The following MPP7 variants were observed in gnomAD, a reference collection of about 807,000 sequenced individuals.
The protein encoded by MPP7 is MAGUK p55 subfamily member 7.
In MPP7, 60 loss-of-function variants were observed where a neutral mutation model predicts 76.5. That is an observed-to-expected ratio of 0.78 (90% confidence interval 0.64 to 0.97). The LOEUF (loss-of-function observed/expected upper bound fraction) is 0.97. MPP7 is among the 50% of genes least tolerant of loss of function. The probability of loss-of-function intolerance (pLI) is 0.00; values close to 1 mark genes in which losing one functional copy is unlikely to be tolerated. For missense variants in MPP7, 641 were observed against 694.0 expected, an observed-to-expected ratio of 0.92 and a Z score of 0.86; for synonymous variants, 237 against 244.5, an observed-to-expected ratio of 0.97 and a Z score of 0.29.
chr10:28,152,255 C>G (rs1373782519), intron 3 of MPP7, among the ~76,000 whole-genome samples: 1 of 152,094 alleles, frequency 6.6e-6, no homozygotes, highest in Admixed American at 6.6e-5. Context: ...GGATTTTGTG[C>G]CATATCAAAC....
rs374804280 is a variant in MPP7, at chr10:28,258,879, A to C, written c.-131-20144T>G. On this transcript the variant is annotated intron_variant, in intron 1 of 16. Coordinates refer to ENST00000683449, the MANE Select transcript of MPP7 (RefSeq NM_001318170.2). ...GAGTGGGAGAGAGAGCTCTCCACACAGTGGAAAAACAGAAATCCCTATTTC... is the reference window on the plus strand; with the variant it reads ...GAGTGGGAGAGAGAGCTCTCCACACCGTGGAAAAACAGAAATCCCTATTTC... Among the ~76,000 whole-genome samples, 44 of 152,282 alleles carry C rather than the reference A, an allele frequency of 2.9e-4. 1 individual carries two copies. The East Asian group carries it at 7.9e-3, about 27-fold the overall frequency.
intron 3 of MPP7, among the ~76,000 whole-genome samples, chr10:28,183,521 G>A (rs1426011096): frequency 1.3e-5 from 2 of 152,208 alleles, no homozygotes; most frequent in Non-Finnish European, 2.9e-5. Flanking sequence ...AGGTGTGGTG[G>A]CTCATGGCTG....
At chr10:28,320,821 G>GT (rs1260316780) in intron 2 of MPP7, among the ~76,000 whole-genome samples, 2 of 133,570 alleles carry the variant, frequency 1.5e-5, no homozygotes, top group African/African-American at 6.2e-5. Flanking sequence ...AACTAGTGCA[G>GT]TTTTTTGTTT....
intron 3 of MPP7, among the ~76,000 whole-genome samples, chr10:28,157,014 A>G (rs959805136): frequency 6.6e-6 from 1 of 152,136 alleles, no homozygotes. Flanking sequence ...GTTCGAGACC[A>G]GCCTGGTCAA....
At chr10:28,196,915 T>C (rs1052910948) in intron 3 of MPP7, among the ~76,000 whole-genome samples, 1 of 152,164 alleles carries the variant, frequency 6.6e-6, no homozygotes, top group Non-Finnish European at 1.5e-5. Context: ...AACCTTTCCA[T>C]GCAATGGTTC....
intron 1 of MPP7, among the ~76,000 whole-genome samples, chr10:28,275,265 T>C (rs1417234166): frequency 6.6e-6 from 1 of 152,212 alleles, no homozygotes; most frequent in African/African-American, 2.4e-5. Context: ...GACGTGCTCT[T>C]CTGCCGGATA....
intron 5 of MPP7, among the ~76,000 whole-genome samples, chr10:28,135,277 G>A (rs1386739488): frequency 4.6e-5 from 7 of 152,172 alleles, no homozygotes; most frequent in Non-Finnish European, 1.0e-4. Context: ...AAGGGTGGCA[G>A]ATACAGAATT....
intron 1 of MPP7, among the ~76,000 whole-genome samples, chr10:28,250,115 T>C (rs1839566622): frequency 6.6e-6 from 1 of 152,030 alleles, no homozygotes; most frequent in Non-Finnish European, 1.5e-5. Flanking sequence ...ACAGAACCCA[T>C]TATCTATACC....
chr10:28,268,301 T>A (rs1415814165), intron 1 of MPP7, among the ~76,000 whole-genome samples: 3 of 152,168 alleles, frequency 2.0e-5, no homozygotes, highest in African/African-American at 7.2e-5. Context: ...CTAAAGAAGA[T>A]GTGGCTGGAA....
At chr10:28,134,211 A>T (rs1341498161) in intron 5 of MPP7, among the ~76,000 whole-genome samples, 1 of 152,170 alleles carries the variant, frequency 6.6e-6, no homozygotes, top group Non-Finnish European at 1.5e-5. Flanking sequence ...AAATTTGGCC[A>T]TTCCAAGTGT....
chr10:28,319,076 G>A (rs186583620), intron 2 of MPP7, among the ~76,000 whole-genome samples: 34 of 152,306 alleles, frequency 2.2e-4, no homozygotes, highest in Admixed American at 2.2e-3. Context: ...AGTTCTACAG[G>A]CTATACAGGA....
intron 1 of MPP7, among the ~76,000 whole-genome samples, chr10:28,270,079 G>A (rs570778089): frequency 1.2e-4 from 19 of 152,250 alleles, no homozygotes; most frequent in East Asian, 3.9e-4. Flanking sequence ...ACCGCATTAC[G>A]GCTTCACATG....
chr10:28,286,343 C>T (rs1840790505), intron 1 of MPP7, among the ~76,000 whole-genome samples: 1 of 145,296 alleles, frequency 6.9e-6, no homozygotes, highest in East Asian at 2.5e-4. Flanking sequence ...GAGACTCCAC[C>T]TCAAAAAAAA....
chr10:28,111,742 T>C (rs1310073434), intron 11 of MPP7, among the ~76,000 whole-genome samples: 1 of 152,190 alleles, frequency 6.6e-6, no homozygotes, highest in Non-Finnish European at 1.5e-5. Context: ...TTTTAGAAAG[T>C]AATCCTAAAC....
chr10:28,058,376 A>G (rs560988286), intron 15 of MPP7, 119 bp downstream of exon 15: 17 of 498,192 alleles, frequency 3.4e-5, no homozygotes, highest in Non-Finnish European at 6.1e-5. Context: ...CCATCTCAGA[A>G]AAGCCACATA....
At chr10:28,323,076 G>A (rs542068568) in intron 2 of MPP7, among the ~76,000 whole-genome samples, 2 of 152,246 alleles carry the variant, frequency 1.3e-5, no homozygotes, top group South Asian at 4.1e-4. Flanking sequence ...CACAAGGTCA[G>A]GAGATTGAGA....
chr10:28,274,139 G>A (rs1840417006), intron 1 of MPP7, among the ~76,000 whole-genome samples: 1 of 123,808 alleles, frequency 8.1e-6, no homozygotes, highest in Non-Finnish European at 1.6e-5. Flanking sequence ...GTCTCACTCT[G>A]TCACCCAGGC....
At chr10:28,218,027 G>A (rs896986826) in intron 2 of MPP7, among the ~76,000 whole-genome samples, 6 of 152,196 alleles carry the variant, frequency 3.9e-5, no homozygotes, top group Non-Finnish European at 7.3e-5. Flanking sequence ...TCCTCATGGA[G>A]ACTTTACGCC....
At chr10:28,095,200 T>TGC (rs2133480955) in intron 11 of MPP7, among the ~76,000 whole-genome samples, 1 of 23,432 alleles carries the variant, frequency 4.3e-5, no homozygotes, top group African/African-American at 1.1e-4. Flanking sequence ...TATGCATATA[T>TGC]ATATATATAT....
Sources: allele counts gnomAD v4.1 joint callset (sites outside exome capture counted in the v4.1 genomes callset), GRCh38; gene constraint gnomAD v4.1.1; transcripts MANE v1.5; gene names NCBI Gene and HGNC (gene_info 2026-07-23, HGNC 2026-07-21).